TBC1D1: variants seen among roughly 807,000 people sequenced by gnomAD.
The protein encoded by TBC1D1 is TBC1 domain family member 1.
TBC1D1 carries 89 observed loss-of-function variants against 125.6 expected under a neutral mutation model. The observed-to-expected ratio is 0.71, with a 90% CI of 0.60 to 0.85. The LOEUF (loss-of-function observed/expected upper bound fraction) is 0.85. Ranked by LOEUF, TBC1D1 falls within the 40% of genes least tolerant of loss-of-function variation. The pLI is 0.00. For synonymous variants in TBC1D1, 565 were observed against 564.1 expected (o/e 1.00, Z -0.02); for missense variants, 1,377 against 1,469.2 (o/e 0.94, Z 1.03).
intron 6 of TBC1D1, among the ~76,000 whole-genome samples, chr4:38,027,223 G>C (rs1210350925): frequency 1.3e-5 from 2 of 152,202 alleles, no homozygotes; most frequent in Non-Finnish European, 2.9e-5. Flanking sequence ...CTCTTCATCA[G>C]ATTGTTTTGA....
chr4:38,120,915 A>G (rs1270888640), intron 17 of TBC1D1, among the ~76,000 whole-genome samples: 8 of 152,210 alleles, frequency 5.3e-5, no homozygotes, highest in African/African-American at 7.2e-5. Flanking sequence ...ATGTTTTTCT[A>G]TAGGACATGC....
rs927980261 is a variant in TBC1D1, at chr4:38,093,151, T to C, written c.2237-2778T>C. On this transcript the variant is annotated intron_variant, in intron 13 of 19. Transcript: ENST00000261439. ...CATTCTATCTTGAGTTCCTTTTTTT[T>C]CTCCCTTCTTGAAGGAAGGTTAAAT... Among the ~76,000 whole-genome samples the C allele has an allele frequency of 5.3e-5, 8 of 152,270 alleles. No individual in the cohort carries two copies. The East Asian group carries it at 5.8e-4, about 11-fold the overall frequency.
intron 12 of TBC1D1, among the ~76,000 whole-genome samples, chr4:38,083,747 C>A (rs1372855160): frequency 6.6e-6 from 1 of 152,164 alleles, no homozygotes; most frequent in East Asian, 1.9e-4. Context: ...AGGGCCCATG[C>A]TCTTGACCTT....
At chr4:38,135,952 G>GTGTATA in intron 19 of TBC1D1, among the ~76,000 whole-genome samples, 1 of 133,524 alleles carries the variant, frequency 7.5e-6, no homozygotes, top group Admixed American at 7.4e-5. Flanking sequence ...GTGTGTGTGT[G>GTGTATA]TATATATGTG....
At chr4:37,996,309 T>G (rs1307986066) in intron 2 of TBC1D1, 1 of 200,276 alleles carries the variant, frequency 5.0e-6, no homozygotes, top group Admixed American at 5.1e-5. Flanking sequence ...CTAACATTTA[T>G]AACTCCGAGA....
intron 8 of TBC1D1, among the ~76,000 whole-genome samples, chr4:38,041,922 C>T (rs1748460249): frequency 6.6e-6 from 1 of 152,130 alleles, no homozygotes; most frequent in Non-Finnish European, 1.5e-5. Flanking sequence ...GCCTGTAATC[C>T]CAGCACTTTG....
At position 38,138,909 on chromosome 4, in the gene TBC1D1, T is replaced by G. The variant is rs900436339; in HGVS notation, c.*1574T>G. ...CCAGTGCCTAAACAGGTGGCTGGCA[T>G]TCGAGACTTCCTCCTGTTCCCTGGG... is the stretch of plus-strand genomic sequence containing the variant. On this transcript the variant is annotated 3_prime_UTR_variant, in exon 20 of 20. Coordinates refer to ENST00000261439, the MANE Select transcript of TBC1D1 (RefSeq NM_015173.4). 1 of 152,642 alleles carries G rather than the reference T, an allele frequency of 6.6e-6. No homozygotes were observed. Among genetic ancestry groups the G allele is most frequent in the African/African-American group, 2.4e-5 (1 of 41,456 alleles). 9.5% of individuals were successfully genotyped at this position (152,642 alleles called of 1,614,324 possible).
chr4:38,068,903 C>G (rs916228340), intron 12 of TBC1D1, among the ~76,000 whole-genome samples: 2 of 152,222 alleles, frequency 1.3e-5, no homozygotes, highest in Admixed American at 1.3e-4. Context: ...CTCAGAACCA[C>G]AAATGTGGCA....
intron 15 of TBC1D1, among the ~76,000 whole-genome samples, chr4:38,111,105 C>A (rs994229685): frequency 6.6e-6 from 1 of 152,226 alleles, no homozygotes; most frequent in Non-Finnish European, 1.5e-5. Flanking sequence ...TTGTGGAATG[C>A]CATCAGCACT....
At chr4:37,951,586 C>T (rs991557349) in intron 2 of TBC1D1, among the ~76,000 whole-genome samples, 3 of 152,128 alleles carry the variant, frequency 2.0e-5, no homozygotes, top group Non-Finnish European at 2.9e-5. Context: ...CAAGACTCTC[C>T]GCGAGATTTA....
rs776753435 is a variant in TBC1D1 at position 37,918,450 on chromosome 4, C to CTT, written c.417+15952_417+15953dup. Among the ~76,000 whole-genome samples, 38 of 142,068 alleles carry CTT rather than the reference C, an allele frequency of 2.7e-4. 1 individual carries two copies. The highest frequency in any genetic ancestry group is 1.3e-3 in the Admixed American group (19 of 14,162). 93.2% of individuals were successfully genotyped at this position (142,068 alleles called of 152,430 possible). ...TCACGGTGTGTTTTGGCATTTTCCT[C>CTT]TTTTTTTTTTTTTTTGAGATGGAGT... On this transcript the variant is annotated intron_variant, in intron 2 of 19. Transcript: ENST00000261439.
intron 2 of TBC1D1, among the ~76,000 whole-genome samples, chr4:38,002,503 C>A (rs776639955): frequency 6.6e-6 from 1 of 152,182 alleles, no homozygotes; most frequent in Non-Finnish European, 1.5e-5. Flanking sequence ...TCTTCTAAGA[C>A]CTATTTGAAA....
intron 18 of TBC1D1, among the ~76,000 whole-genome samples, chr4:38,126,783 T>C (rs1243421277): frequency 6.6e-6 from 1 of 152,158 alleles, no homozygotes; most frequent in Admixed American, 6.5e-5. Context: ...GTTCACTGAC[T>C]GACCCACACT....
At chr4:37,988,544 A>C (rs148384163) in intron 2 of TBC1D1, among the ~76,000 whole-genome samples, 2,779 of 152,330 alleles carry the variant, frequency 0.018, 43 homozygotes, top group Middle Eastern at 0.068. Context: ...TAGATTAAGC[A>C]CTTAGTACTC....
chr4:37,937,421 G>A (rs1724620804), intron 2 of TBC1D1, among the ~76,000 whole-genome samples: 1 of 152,154 alleles, frequency 6.6e-6, no homozygotes. Flanking sequence ...AATCAATTCA[G>A]AAGGGTGCAA....
intron 2 of TBC1D1, among the ~76,000 whole-genome samples, chr4:37,980,455 C>A (rs1321014434): frequency 6.6e-6 from 1 of 152,216 alleles, no homozygotes; most frequent in African/African-American, 2.4e-5. Flanking sequence ...TTGAGTATAT[C>A]TACTGTTTCT....
chr4:38,001,846 A>T (rs1420466312), intron 2 of TBC1D1, among the ~76,000 whole-genome samples: 1 of 152,240 alleles, frequency 6.6e-6, no homozygotes, highest in African/African-American at 2.4e-5. Context: ...ACAGTAAGTT[A>T]TTGACTTGCT....
chr4:38,092,549 G>A (rs892693371), intron 13 of TBC1D1, among the ~76,000 whole-genome samples: 1 of 151,840 alleles, frequency 6.6e-6, no homozygotes, highest in African/African-American at 2.4e-5. Flanking sequence ...TGGCCAATGT[G>A]GTGAAACCCT....
chr4:37,968,146 AATTG>A (rs1264126828), intron 2 of TBC1D1, among the ~76,000 whole-genome samples: 1 of 152,206 alleles, frequency 6.6e-6, no homozygotes, highest in Non-Finnish European at 1.5e-5. Context: ...CATTTTAATG[AATTG>A]ATTGCTAATG....
Sources: gnomAD v4.1 joint callset for allele counts (sites outside exome capture counted in the v4.1 genomes callset) on GRCh38, gnomAD v4.1.1 for gene constraint, MANE v1.5 for transcripts, NCBI Gene and HGNC (gene_info 2026-07-23, HGNC 2026-07-21) for gene names.